Variants in GLB1 observed in about 807,000 individuals in gnomAD.
The protein encoded by GLB1 is beta-galactosidase.
In GLB1, 56 loss-of-function variants were observed where a neutral mutation model predicts 74.0. The observed-to-expected ratio is 0.76, with a 90% CI of 0.61 to 0.94. The LOEUF is 0.94. Ranked by LOEUF, GLB1 falls within the 40% of genes least tolerant of loss-of-function variation. The probability of loss-of-function intolerance (pLI) is 0.00; values close to 1 mark genes in which losing one functional copy is unlikely to be tolerated. For missense variants in GLB1, 787 were observed against 845.5 expected (o/e 0.93, Z 0.86); for synonymous variants, 323 against 323.6 (o/e 1.00, Z 0.02).
intron 2 of GLB1, 49 bp from the exon 3 acceptor site, chr3:33,069,019 A>T: frequency 4.3e-6 from 7 of 1,614,028 alleles, no homozygotes; most frequent in Non-Finnish European, 5.9e-6. Context: ...AGAGTCAAGA[A>T]GAAAGAAGCG....
intron 10 of GLB1, among the ~76,000 whole-genome samples, chr3:33,040,190 GCA>G (rs1698442444): frequency 6.6e-6 from 1 of 152,144 alleles, no homozygotes; most frequent in African/African-American, 2.4e-5. Flanking sequence ...AAATTCATAT[GCA>G]CAGTCAGCCC....
chr3:33,093,964 C>G lies in GLB1; in HGVS notation c.75+3047G>C, dbSNP rs758530845. Reference sequence around the variant, plus strand: ...TTCCAAAGCTGAAAACAGGTTGACTCTGCAGCTGGGGAGTGGCAGAGGTTG... The same window carrying G: ...TTCCAAAGCTGAAAACAGGTTGACTGTGCAGCTGGGGAGTGGCAGAGGTTG... On this transcript the variant is annotated intron_variant, in intron 1 of 15. Transcript: ENST00000307363. This position sits in a 1 kb window ranked among gnomAD's most constrained non-coding sequence, Gnocchi z 6.0. The G allele has an allele frequency of 8.1e-6, 13 of 1,614,084 alleles. No individual in the cohort carries two copies. In the Admixed American group the frequency reaches 2.0e-4, roughly 25 times the overall value.
chr3:33,056,974 T>C (rs894283280), intron 6 of GLB1, among the ~76,000 whole-genome samples: 3 of 152,210 alleles, frequency 2.0e-5, no homozygotes, highest in African/African-American at 7.2e-5. Context: ...GCTGTTGATA[T>C]GGTTTGGATC....
intron 9 of GLB1, among the ~76,000 whole-genome samples, chr3:33,046,912 G>A (rs927766922): frequency 6.6e-6 from 1 of 152,218 alleles, no homozygotes; most frequent in Non-Finnish European, 1.5e-5. Flanking sequence ...ACATTTCTCA[G>A]ATGTGTCCGT....
intron 12 of GLB1, 94 bp downstream of exon 12, chr3:33,021,472 T>C: frequency 1.5e-6 from 2 of 1,337,544 alleles, no homozygotes; most frequent in Non-Finnish European, 2.1e-6. Context: ...CTTACCATTT[T>C]GGCCCCTGAA....
At chr3:33,021,397 C>T in intron 12 of GLB1, 169 bp downstream of exon 12, 1 of 770,354 alleles carries the variant, frequency 1.3e-6, no homozygotes, top group East Asian at 2.7e-5. Context: ...GCCCACCACG[C>T]AGCACTTCAA....
intron 6 of GLB1, 108 bp downstream of exon 6, chr3:33,057,981 T>C (rs930990638): frequency 2.9e-5 from 41 of 1,433,644 alleles, no homozygotes; most frequent in Non-Finnish European, 3.6e-5. Context: ...AATGAAAACA[T>C]GAAAAATCTC....
At chr3:32,977,932 T>C in the GLB1 span, among the ~76,000 whole-genome samples, 1 of 152,184 alleles carries the variant, frequency 6.6e-6, no homozygotes, top group Admixed American at 6.5e-5. Context: ...TACGTCTGAA[T>C]TTCTGACACA....
At chr3:33,094,157 G>A in intron 1 of GLB1, 1 of 1,612,344 alleles carries the variant, frequency 6.2e-7, no homozygotes, top group Non-Finnish European at 8.5e-7. Context: ...CAGCCAGGGT[G>A]GCCTTCGCGC....
intron 1 of GLB1, chr3:33,092,591 T>G: frequency 7.6e-7 from 1 of 1,313,842 alleles, no homozygotes; most frequent in Non-Finnish European, 9.7e-7. Context: ...AGTGCTAATA[T>G]ATGTGACCTT....
chr3:33,053,649 G>A (rs745382113), intron 6 of GLB1, 100 bp from the exon 7 acceptor site: 91 of 1,495,814 alleles, frequency 6.1e-5, no homozygotes, highest in Middle Eastern at 5.2e-4. Flanking sequence ...GCCCTGCTAC[G>A]GTCAGAATGT....
intron 1 of GLB1, among the ~76,000 whole-genome samples, chr3:33,089,388 C>T (rs1700656486): frequency 6.6e-6 from 1 of 152,042 alleles, no homozygotes; most frequent in Non-Finnish European, 1.5e-5. Flanking sequence ...GGGTTAATGT[C>T]CAGAATATAT....
intron 13 of GLB1, among the ~76,000 whole-genome samples, chr3:33,017,380 A>G (rs1454875953): frequency 6.6e-6 from 1 of 152,226 alleles, no homozygotes; most frequent in African/African-American, 2.4e-5. Flanking sequence ...AACTTTTTAA[A>G]AGGTTAGACT....
chr3:33,086,559 A>T (rs1455878307), intron 1 of GLB1, among the ~76,000 whole-genome samples: 1 of 152,244 alleles, frequency 6.6e-6, no homozygotes, highest in East Asian at 1.9e-4. Context: ...CAACACCTGG[A>T]CCAACAGGTC....
chr3:32,978,926 A>ATTTT, the GLB1 span, among the ~76,000 whole-genome samples: 13,104 of 120,382 alleles, frequency 0.11, 1,005 homozygotes, highest in Non-Finnish European at 0.16. Context: ...CACCCGGCTA[A>ATTTT]TTTTTTTTTT....
intron 1 of GLB1, among the ~76,000 whole-genome samples, chr3:33,079,521 T>C (rs895766470): frequency 1.3e-5 from 2 of 152,242 alleles, no homozygotes; most frequent in African/African-American, 4.8e-5. Context: ...AATATGTTAA[T>C]GGTATAATCT....
intron 10 of GLB1, chr3:33,030,631 T>C: frequency 4.1e-6 from 4 of 985,442 alleles, no homozygotes; most frequent in Non-Finnish European, 4.8e-6. Context: ...CATTAAGCTT[T>C]TGAAGTACAG....
chr3:33,038,034 A>C (rs1410437546), intron 10 of GLB1: 2 of 150,554 alleles, frequency 1.3e-5, no homozygotes, highest in Non-Finnish European at 2.9e-5. Context: ...AAAAAAAAAA[A>C]AAAAAAAAAA....
intron 10 of GLB1, among the ~76,000 whole-genome samples, chr3:33,041,561 C>T (rs377584705): frequency 1.3e-5 from 2 of 150,990 alleles, no homozygotes; most frequent in South Asian, 2.1e-4. Flanking sequence ...GCTTGGGAGG[C>T]TGAGGCAGGA....
Sources: allele counts gnomAD v4.1 joint callset (sites outside exome capture counted in the v4.1 genomes callset), GRCh38; gene constraint gnomAD v4.1.1; non-coding constraint Gnocchi (gnomAD v3.1); transcripts MANE v1.5; gene names NCBI Gene and HGNC (gene_info 2026-07-23, HGNC 2026-07-21).